QPCT: variants seen among roughly 807,000 people sequenced by gnomAD.
QPCT encodes glutaminyl-peptide cyclotransferase, also known as EC.
QPCT carries 44 observed loss-of-function variants against 43.4 expected under a neutral mutation model. The ratio of observed to expected loss-of-function variants is 1.01; its 90% CI spans 0.80 to 1.30. The LOEUF (loss-of-function observed/expected upper bound fraction) is 1.30. Ranked by LOEUF, QPCT falls within the 50% of genes most tolerant of loss-of-function variation. The pLI, the probability that QPCT is intolerant of heterozygous loss-of-function variation, is 0.00. For missense variants in QPCT, 526 were observed against 436.5 expected (o/e 1.21, Z -1.83); for synonymous variants, 168 against 168.4 (o/e 1.00, Z 0.02).
Position 37,352,954 on chromosome 2 carries a change from A to C in QPCT, c.267+19A>C, listed in dbSNP as rs764267461. 6.2e-7 allele frequency: 1 copy of C among 1,607,046 alleles called. No homozygotes were observed. The highest frequency in any genetic ancestry group is 1.1e-5 in the South Asian group (1 of 90,738). On this transcript the variant is annotated intron_variant, in intron 2 of 6. Coordinates refer to ENST00000338415, the MANE Select transcript of QPCT (RefSeq NM_012413.4). ...TCGTCAGGTGAGAACATGGGACACAAACCTCAAGCTTGTGTGAATACTGTG... is the reference window on the plus strand; with the variant it reads ...TCGTCAGGTGAGAACATGGGACACACACCTCAAGCTTGTGTGAATACTGTG...
Position 37,345,794 on chromosome 2 carries a change from C to G in QPCT, c.120+943C>G, listed in dbSNP as rs533511007. Among the ~76,000 whole-genome samples the G allele has an allele frequency of 1.7e-3, 256 of 150,712 alleles. 1 individual carries two copies. Among genetic ancestry groups the G allele is most frequent in the African/African-American group, 5.8e-3 (240 of 41,030 alleles). On this transcript the variant is annotated intron_variant, in intron 1 of 6. Coordinates refer to ENST00000338415, the MANE Select transcript of QPCT (RefSeq NM_012413.4). The stretch of plus-strand genomic sequence containing the variant: ...GAGCTTGCAGTAAGCCGAGATCGCG[C>G]CACTGCGCTCCAACCTGGGCGACAC...
chr2:37,357,872 T>C (rs1348977436), intron 2 of QPCT, among the ~76,000 whole-genome samples: 1 of 146,480 alleles, frequency 6.8e-6, no homozygotes, highest in Non-Finnish European at 1.5e-5. Flanking sequence ...AAATCCTGTA[T>C]TTCTTAGGAG....
At chr2:37,369,889 C>G (rs898688706) in intron 5 of QPCT, 105 bp downstream of exon 5, 20 of 1,032,682 alleles carry the variant, frequency 1.9e-5, no homozygotes, top group Non-Finnish European at 2.6e-5. Flanking sequence ...CAGTGGCTCA[C>G]ACCTGTAATC....
chr2:37,362,699 G>A (rs1343072942), intron 3 of QPCT, among the ~76,000 whole-genome samples: 1 of 152,194 alleles, frequency 6.6e-6, no homozygotes, highest in Non-Finnish European at 1.5e-5. Context: ...TATCAGAGTG[G>A]AGAGAAGTCA....
intron 3 of QPCT, among the ~76,000 whole-genome samples, chr2:37,366,335 G>A (rs75430449): frequency 0.012 from 1,865 of 152,200 alleles, 33 homozygotes; most frequent in African/African-American, 0.043. Context: ...ACACCCCCAG[G>A]ATTTTGCTTC....
intron 3 of QPCT, among the ~76,000 whole-genome samples, chr2:37,361,091 A>T (rs1171877641): frequency 1.3e-5 from 2 of 152,180 alleles, no homozygotes; most frequent in African/African-American, 4.8e-5. Flanking sequence ...AAAAATTTGA[A>T]TCAACATATA....
chr2:37,350,412 C>T (rs1672595983), intron 1 of QPCT, among the ~76,000 whole-genome samples: 1 of 152,196 alleles, frequency 6.6e-6, no homozygotes, highest in Non-Finnish European at 1.5e-5. Context: ...TGTTTGGGAG[C>T]TGGCATGAGG....
intron 1 of QPCT, among the ~76,000 whole-genome samples, chr2:37,346,793 G>T (rs1672497582): frequency 6.6e-6 from 1 of 152,008 alleles, no homozygotes; most frequent in Non-Finnish European, 1.5e-5. Flanking sequence ...TGATGAATCG[G>T]TCCACACTAA....
rs1260058392 is a variant in QPCT at position 37,373,265 on chromosome 2, C to A, written c.*438C>A. Reference sequence around the variant, plus strand: ...ATGTAGTTTGAAGGCGGTCAGATTTCTTTGAGAAATCTTTGTAGAGTTAAT... The same window carrying A: ...ATGTAGTTTGAAGGCGGTCAGATTTATTTGAGAAATCTTTGTAGAGTTAAT... On this transcript the variant is annotated 3_prime_UTR_variant, in exon 7 of 7. Transcript: ENST00000338415. 6.6e-6 allele frequency: 1 copy of A among 152,188 alleles called. No homozygotes were observed. Among genetic ancestry groups the A allele is most frequent in the East Asian group, 1.9e-4 (1 of 5,204 alleles). The allele number at this position is 152,188 out of a possible 1,614,324, so 9.4% of individuals were successfully genotyped here.
At chr2:37,363,518 C>T (rs1029399478) in intron 3 of QPCT, among the ~76,000 whole-genome samples, 8 of 149,002 alleles carry the variant, frequency 5.4e-5, no homozygotes, top group Admixed American at 2.7e-4. Flanking sequence ...GTAATCCTAG[C>T]TACTTGGGAG....
intron 5 of QPCT, among the ~76,000 whole-genome samples, chr2:37,370,894 T>A (rs1403780816): frequency 6.6e-6 from 1 of 152,182 alleles, no homozygotes; most frequent in African/African-American, 2.4e-5. Context: ...TATTGTAGAA[T>A]CCAGGCCAGG....
chr2:37,362,963 A>G (rs975210315), intron 3 of QPCT, among the ~76,000 whole-genome samples: 1 of 152,226 alleles, frequency 6.6e-6, no homozygotes, highest in Non-Finnish European at 1.5e-5. Flanking sequence ...AAATTGAACC[A>G]GGGAGGTTAT....
chr2:37,344,678 G>T lies in QPCT; in HGVS notation c.-54G>T. ...GGGAAGGCGAAGGACGCGCGTTCCC[G>T]GGCTCGTGACCGCCAGCGGCCCGGG... On this transcript the variant is annotated 5_prime_UTR_variant, in exon 1 of 7. Transcript: ENST00000338415. The T allele has an allele frequency of 1.9e-6, 3 of 1,553,396 alleles. No individual in the cohort carries two copies. Among genetic ancestry groups the T allele is most frequent in the Non-Finnish European group, 2.6e-6 (3 of 1,151,508 alleles).
intron 4 of QPCT, among the ~76,000 whole-genome samples, chr2:37,369,263 T>G (rs1673025131): frequency 6.6e-6 from 1 of 152,258 alleles, no homozygotes; most frequent in South Asian, 2.1e-4. Context: ...AAATAGTTAC[T>G]GTCCAAGTGC....
At chr2:37,370,275 T>C (rs1673049103) in intron 5 of QPCT, among the ~76,000 whole-genome samples, 1 of 152,204 alleles carries the variant, frequency 6.6e-6, no homozygotes, top group African/African-American at 2.4e-5. Flanking sequence ...GATTAGTTTA[T>C]TATTCTTTTC....
chr2:37,345,189 C>A (rs1672457220), intron 1 of QPCT, among the ~76,000 whole-genome samples: 1 of 152,286 alleles, frequency 6.6e-6, no homozygotes, highest in East Asian at 1.9e-4. Context: ...CGCGGCGCCA[C>A]CCCCCACTCG....
intron 3 of QPCT, among the ~76,000 whole-genome samples, chr2:37,360,524 T>C (rs567469770): frequency 6.6e-6 from 1 of 152,318 alleles, no homozygotes; most frequent in East Asian, 1.9e-4. Flanking sequence ...CTGATATCAC[T>C]CATAACCAAG....
At chr2:37,356,572 G>C (rs1212550865) in intron 2 of QPCT, among the ~76,000 whole-genome samples, 1 of 152,174 alleles carries the variant, frequency 6.6e-6, no homozygotes, top group East Asian at 1.9e-4. Context: ...GACTTCTGGT[G>C]GGGACTTGTA....
At chr2:37,359,444 A>G in intron 2 of QPCT, 136 bp from the exon 3 acceptor site, 1 of 783,542 alleles carries the variant, frequency 1.3e-6, no homozygotes, top group South Asian at 1.9e-5. Context: ...ATTAATTGCA[A>G]TAATATTGCT....
Sources: gnomAD v4.1 joint callset for allele counts (sites outside exome capture counted in the v4.1 genomes callset) on GRCh38, gnomAD v4.1.1 for gene constraint, MANE v1.5 for transcripts, NCBI Gene and HGNC (gene_info 2026-07-23, HGNC 2026-07-21) for gene names.